Variants in CCDC7 observed in about 807,000 individuals in gnomAD.
CCDC7 encodes coiled-coil domain containing 7.
A neutral mutation model predicts 196.9 loss-of-function variants in CCDC7; 183 were observed. That is an observed-to-expected ratio of 0.93 (90% CI 0.82 to 1.05). CCDC7 has a LOEUF of 1.05. Ranked by LOEUF, CCDC7 falls within the 50% of genes least tolerant of loss-of-function variation. The pLI is 0.00. For synonymous variants in CCDC7, 525 were observed against 484.6 expected (o/e 1.08, Z -1.10); for missense variants, 1,540 against 1,482.2 (o/e 1.04, Z -0.64).
At chr10:32,607,278 ACTT>A (rs1445999744) in intron 18 of CCDC7, among the ~76,000 whole-genome samples, 1 of 152,094 alleles carries the variant, frequency 6.6e-6, no homozygotes, top group Non-Finnish European at 1.5e-5. Context: ...AGCCAATTAA[ACTT>A]CTTTTCCTTA....
intron 21 of CCDC7, among the ~76,000 whole-genome samples, chr10:32,682,064 A>G (rs992704577): frequency 2.6e-5 from 4 of 152,192 alleles, no homozygotes; most frequent in African/African-American, 9.6e-5. Context: ...TTGCAGGTTT[A>G]TTACATGGCT....
chr10:32,726,712 C>T, intron 25 of CCDC7, 22 bp from the exon 27 acceptor site: 2 of 1,388,064 alleles, frequency 1.4e-6, no homozygotes, highest in African/African-American at 1.4e-5. Context: ...AAATGTATCT[C>T]TTTATGTGGT....
At chr10:32,691,118 G>A (rs2077030175) in intron 23 of CCDC7, among the ~76,000 whole-genome samples, 1 of 152,098 alleles carries the variant, frequency 6.6e-6, no homozygotes, top group Admixed American at 6.5e-5. Context: ...GGTAACATGG[G>A]GATCTTGGCC....
intron 25 of CCDC7, among the ~76,000 whole-genome samples, chr10:32,715,257 G>A (rs1396541231): frequency 1.3e-5 from 2 of 151,470 alleles, no homozygotes; most frequent in African/African-American, 4.9e-5. Context: ...CAGGCAAACA[G>A]GGTATGGAGT....
intron 30 of CCDC7, among the ~76,000 whole-genome samples, chr10:32,812,079 A>G (rs1383324472): frequency 1.3e-5 from 2 of 152,144 alleles, no homozygotes; most frequent in East Asian, 1.9e-4. Context: ...AATAAAGTCC[A>G]TATATGACAG....
chr10:32,849,758 T>C (rs926850791), intron 39 of CCDC7, among the ~76,000 whole-genome samples: 3 of 149,020 alleles, frequency 2.0e-5, no homozygotes, highest in African/African-American at 4.9e-5. Context: ...AAAAAGTAGA[T>C]GACTAAGTAT....
chr10:32,481,133 G>C (rs1305366670), intron 8 of CCDC7, among the ~76,000 whole-genome samples: 4 of 152,088 alleles, frequency 2.6e-5, no homozygotes, highest in Admixed American at 1.3e-4. Flanking sequence ...TATCTGGTCT[G>C]ATGTCCAAGT....
chr10:32,664,232 ATACATTCATCATG>A (rs566783840), intron 21 of CCDC7, 71 bp downstream of exon 22: 59 of 382,464 alleles, frequency 1.5e-4, no homozygotes, highest in African/African-American at 1.1e-3. Flanking sequence ...TAAAAATTAT[ATACATTCATCATG>A]TACTACATAG....
At chr10:32,697,543 G>C (rs1311193578) in intron 24 of CCDC7, among the ~76,000 whole-genome samples, 3 of 152,124 alleles carry the variant, frequency 2.0e-5, no homozygotes, top group Admixed American at 1.3e-4. Context: ...CGCTTGGCGG[G>C]TCCCACACCC....
At chr10:32,482,309 C>T (rs1234838432) in intron 8 of CCDC7, among the ~76,000 whole-genome samples, 1 of 151,972 alleles carries the variant, frequency 6.6e-6, no homozygotes, top group Non-Finnish European at 1.5e-5. Flanking sequence ...GAATAGTGAA[C>T]ATTGTATCCA....
chr10:32,840,690 G>A (rs1411565726), intron 33 of CCDC7, among the ~76,000 whole-genome samples: 11 of 151,644 alleles, frequency 7.3e-5, no homozygotes, highest in Non-Finnish European at 1.6e-4. Flanking sequence ...ACCAGGGAAG[G>A]ACATAACAAA....
chr10:32,625,332 C>T (rs2063891060), intron 18 of CCDC7, among the ~76,000 whole-genome samples: 1 of 151,786 alleles, frequency 6.6e-6, no homozygotes. Context: ...CGGTTTATTA[C>T]TGGGCTCTCT....
chr10:32,472,188 A>G (rs1399016204), intron 6 of CCDC7, among the ~76,000 whole-genome samples: 1 of 152,232 alleles, frequency 6.6e-6, no homozygotes, highest in African/African-American at 2.4e-5. Flanking sequence ...CGACAAAAAG[A>G]TACCTCATGT....
exon 31 of CCDC7, chr10:32,814,402 G>C (rs1230102258): frequency 1.2e-6 from 2 of 1,612,034 alleles, no homozygotes; most frequent in South Asian, 1.1e-5. Flanking sequence ...AGATGCATTT[G>C]GAAGAGATAT....
At chr10:32,486,171 C>G (rs534301306) in intron 8 of CCDC7, among the ~76,000 whole-genome samples, 45 of 152,308 alleles carry the variant, frequency 3.0e-4, no homozygotes, top group Non-Finnish European at 5.9e-4. Context: ...CTTTATGAAT[C>G]TGGGTGCTCC....
upstream of CCDC7, chr10:32,451,483 C>T: frequency 9.9e-7 from 1 of 1,010,360 alleles, no homozygotes; most frequent in Non-Finnish European, 1.3e-6. Context: ...CCAGAAGTTG[C>T]TTAATGTACT....
At chr10:32,863,951 A>G (rs566349594) in intron 41 of CCDC7, among the ~76,000 whole-genome samples, 1 of 151,378 alleles carries the variant, frequency 6.6e-6, no homozygotes, top group Admixed American at 6.6e-5. Flanking sequence ...TGCAAAGAAA[A>G]CAATTAACAA....
intron 41 of CCDC7, among the ~76,000 whole-genome samples, chr10:32,861,115 CAAAAAAAA>C (rs142801821): frequency 1.0e-5 from 1 of 97,130 alleles, no homozygotes; most frequent in African/African-American, 4.0e-5. Context: ...CAATCATAAG[CAAAAAAAA>C]AAAAAAAAAA....
rs563292049 is a variant in CCDC7 at position 32,661,491 on chromosome 10, C to T, written c.2015-2563C>T. The stretch of plus-strand genomic sequence containing the variant: ...ACAGTTGGAAATGTGCTGGGTCTCA[C>T]CTGAAGCCAGCATATCTCAGAGTCT... On this transcript the variant is annotated intron_variant, in intron 20 of 41. Coordinates refer to ENST00000639629, the Ensembl canonical transcript of CCDC7. Among the ~76,000 whole-genome samples, 9 of 152,232 alleles carry T rather than the reference C, an allele frequency of 5.9e-5. No homozygotes were observed. The South Asian group carries it at 1.9e-3, about 32-fold the overall frequency.
Sources: allele counts gnomAD v4.1 joint callset (sites outside exome capture counted in the v4.1 genomes callset), GRCh38; gene constraint gnomAD v4.1.1; transcripts MANE v1.5; gene names NCBI Gene and HGNC (gene_info 2026-07-23, HGNC 2026-07-21).